The following TYR variants were observed in gnomAD, a reference collection of about 807,000 sequenced individuals.
TYR encodes the protein LB24-AB.
In TYR, 58 loss-of-function variants were observed where a neutral mutation model predicts 51.5. The ratio of observed to expected loss-of-function variants is 1.13; its 90% CI spans 0.91 to 1.40. The LOEUF (loss-of-function observed/expected upper bound fraction) is 1.40, where lower values mean the gene tolerates loss of function less well. Ranked by LOEUF, TYR falls within the 40% of genes most tolerant of loss-of-function variation. The probability of loss-of-function intolerance (pLI) is 0.00; values close to 1 mark genes in which losing one functional copy is unlikely to be tolerated. For missense variants in TYR, 732 were observed against 647.4 expected, an observed-to-expected ratio of 1.13 and a Z score of -1.42; for synonymous variants, 263 against 235.2, an observed-to-expected ratio of 1.12 and a Z score of -1.08.
chr11:89,235,266 C>T (rs1944096362), intron 3 of TYR, among the ~76,000 whole-genome samples: 1 of 152,110 alleles, frequency 6.6e-6, no homozygotes, highest in South Asian at 2.1e-4. Flanking sequence ...TAGCATGGAG[C>T]TTCCTCAGTA....
At chr11:89,288,823 T>C (rs1274907857) in intron 4 of TYR, among the ~76,000 whole-genome samples, 5 of 152,064 alleles carry the variant, frequency 3.3e-5, no homozygotes, top group Admixed American at 6.6e-5. Context: ...TTGTTGCCTC[T>C]GTTGTACTTT....
chr11:89,201,973 G>A (rs1358502395), intron 2 of TYR, among the ~76,000 whole-genome samples: 1 of 152,058 alleles, frequency 6.6e-6, no homozygotes, highest in Admixed American at 6.6e-5. Context: ...AGACATGGTG[G>A]CTAACAACGT....
chr11:89,227,087 C>T (rs888153868), intron 2 of TYR, among the ~76,000 whole-genome samples: 5 of 152,074 alleles, frequency 3.3e-5, no homozygotes, highest in African/African-American at 1.2e-4. Context: ...CTCTGAACCT[C>T]AGTTTTCTTT....
intron 2 of TYR, among the ~76,000 whole-genome samples, chr11:89,200,100 G>A (rs1943577420): frequency 2.0e-5 from 3 of 152,108 alleles, no homozygotes; most frequent in South Asian, 4.1e-4. Context: ...AAGACTTCAG[G>A]AGTTTTGGTC....
At chr11:89,265,590 T>C (rs1300052358) in intron 3 of TYR, among the ~76,000 whole-genome samples, 2 of 152,068 alleles carry the variant, frequency 1.3e-5, no homozygotes, top group Non-Finnish European at 2.9e-5. Flanking sequence ...TGGAGTCTTC[T>C]TGAGATGTTT....
intron 1 of TYR, among the ~76,000 whole-genome samples, chr11:89,185,608 G>T (rs1439042023): frequency 6.6e-6 from 1 of 152,168 alleles, no homozygotes; most frequent in African/African-American, 2.4e-5. Context: ...GTAAGTGTAA[G>T]TTGGGTAAAG....
At position 89,195,219 on chromosome 11, in the gene TYR, G is replaced by A. The variant is rs139042703; in HGVS notation, c.1036+3801G>A. 1.1e-4 allele frequency among the ~76,000 whole-genome samples: 17 copies of A among 152,186 alleles called. No homozygotes were observed. In the East Asian group the frequency reaches 1.4e-3, roughly 12 times the overall value. On this transcript the variant is annotated intron_variant, in intron 2 of 4. Transcript: ENST00000263321. ...TTGCTTCCTTTTCTTTCTTGGTCTC[G>A]TGAGAAGTGTATAATGCACTTCCCA... is the stretch of plus-strand genomic sequence containing the variant.
Position 89,227,880 on chromosome 11 carries a change from C to A in TYR, c.1094C>A (p.Ala365Asp). The A allele has an allele frequency of 6.2e-7, 1 of 1,613,360 alleles. No individual in the cohort carries two copies. The highest frequency in any genetic ancestry group is 8.5e-7 in the Non-Finnish European group (1 of 1,179,634). ...GCCTCTCAAAGCAGCATGCACAATG[C>A]CTTGCACATCTATATGAATGGAACA... ...ADASQSSMHNALHIYMNGTMS... is the reference protein window; with the variant it reads ...ADASQSSMHNDLHIYMNGTMS... The change falls in exon 3 of 5, where the codon GCC becomes GAC. Residue 365 changes from alanine to aspartate, a missense_variant. Transcript: ENST00000263321.
chr11:89,242,113 T>C (rs2135292299), intron 3 of TYR, among the ~76,000 whole-genome samples: 1 of 152,204 alleles, frequency 6.6e-6, no homozygotes, highest in Non-Finnish European at 1.5e-5. Context: ...GATAAAGATA[T>C]GTTATTATTT....
intron 3 of TYR, among the ~76,000 whole-genome samples, chr11:89,276,176 G>A (rs886231257): frequency 7.9e-5 from 12 of 151,774 alleles, no homozygotes; most frequent in Non-Finnish European, 8.8e-5. Context: ...AAACAACAAT[G>A]CCTCTGCCTC....
At chr11:89,241,722 T>C (rs955167556) in intron 3 of TYR, among the ~76,000 whole-genome samples, 9 of 148,468 alleles carry the variant, frequency 6.1e-5, no homozygotes, top group Admixed American at 2.7e-4. Flanking sequence ...TCCATTTGTA[T>C]AGATGTTAAT....
chr11:89,220,642 T>A (rs1943897475), intron 2 of TYR, among the ~76,000 whole-genome samples: 1 of 152,122 alleles, frequency 6.6e-6, no homozygotes, highest in South Asian at 2.1e-4. Flanking sequence ...TAATCCCAGC[T>A]ACTCAGAACG....
intron 2 of TYR, among the ~76,000 whole-genome samples, chr11:89,194,182 C>T (rs768944605): frequency 6.6e-6 from 1 of 152,142 alleles, no homozygotes; most frequent in Non-Finnish European, 1.5e-5. Flanking sequence ...TAACCTTGTA[C>T]ATATGTGTCT....
At position 89,192,419 on chromosome 11, in the gene TYR, G is replaced by A. The variant is rs191194798; in HGVS notation, c.1036+1001G>A. 1.1e-3 allele frequency among the ~76,000 whole-genome samples: 160 copies of A among 152,162 alleles called. 1 individual carries two copies. Among genetic ancestry groups the A allele is most frequent in the African/African-American group, 3.8e-3 (156 of 41,534 alleles). On this transcript the variant is annotated intron_variant, in intron 2 of 4. Transcript: ENST00000263321. The stretch of plus-strand genomic sequence containing the variant: ...AACTCAAAATTTAACACTAGACATC[G>A]CAGCTCCTAAAAGGCCTGTGACACC...
At chr11:89,247,217 C>G (rs397843528) in intron 3 of TYR, among the ~76,000 whole-genome samples, 1 of 152,142 alleles carries the variant, frequency 6.6e-6, no homozygotes, top group South Asian at 2.1e-4. Context: ...GTCCATCTCT[C>G]CCACTAAATC....
chr11:89,281,370 A>G (rs1281381116), intron 3 of TYR, among the ~76,000 whole-genome samples: 2 of 151,690 alleles, frequency 1.3e-5, no homozygotes, highest in African/African-American at 2.4e-5. Context: ...TCCTCCCTGT[A>G]ACAGAGTAAG....
At chr11:89,200,421 C>T (rs1455183411) in intron 2 of TYR, 4 of 152,112 alleles carry the variant, frequency 2.6e-5, no homozygotes, top group African/African-American at 9.7e-5. Flanking sequence ...CTGATGCATA[C>T]ATAGGACTGC....
At chr11:89,184,981 T>C (rs1003608255) in intron 1 of TYR, among the ~76,000 whole-genome samples, 7 of 152,186 alleles carry the variant, frequency 4.6e-5, no homozygotes, top group Non-Finnish European at 7.4e-5. Flanking sequence ...TACATGCTTA[T>C]AGATAGCAAA....
At chr11:89,271,812 A>G (rs1349456567) in intron 3 of TYR, among the ~76,000 whole-genome samples, 3 of 151,974 alleles carry the variant, frequency 2.0e-5, no homozygotes, top group Non-Finnish European at 4.4e-5. Context: ...TATTCTAAGT[A>G]CTTTGTTGTC....
Sources: gnomAD v4.1 joint callset for allele counts (sites outside exome capture counted in the v4.1 genomes callset) on GRCh38, gnomAD v4.1.1 for gene constraint, MANE v1.5 for transcripts, NCBI Gene and HGNC (gene_info 2026-07-23, HGNC 2026-07-21) for gene names.